The following MACF1 variants were observed in gnomAD, a reference collection of about 807,000 sequenced individuals.
MACF1 encodes the protein microtubule actin crosslinking factor 1, also known as microtubule-actin cross-linking factor 1.
Under a neutral mutation model 854.8 loss-of-function variants are expected in MACF1, and 193 were observed. The ratio of observed to expected loss-of-function variants is 0.23; its 90% CI spans 0.20 to 0.25. The LOEUF is 0.25. Ranked by LOEUF, MACF1 falls within the 10% of genes least tolerant of loss-of-function variation. The probability of loss-of-function intolerance (pLI) is 1.00; values close to 1 mark genes in which losing one functional copy is unlikely to be tolerated. For missense variants in MACF1, 7,722 were observed against 8,929.1 expected (o/e 0.86, Z 5.45); for synonymous variants, 3,185 against 3,226.7 (o/e 0.99, Z 0.44).
chr1:39,273,095 C>T (rs1026751518), intron 6 of MACF1, among the ~76,000 whole-genome samples: 1 of 151,402 alleles, frequency 6.6e-6, no homozygotes, highest in Admixed American at 6.6e-5. Flanking sequence ...ACCTTGTTAG[C>T]GAATCCCATT....
intron 50 of MACF1, 25 bp downstream of exon 50, chr1:39,368,339 G>A: frequency 6.3e-7 from 1 of 1,592,374 alleles, no homozygotes. Flanking sequence ...GTGTTGGTCA[G>A]CATTGGGGAA....
At chr1:39,317,513 G>C (rs1646435270) in intron 29 of MACF1, 106 bp downstream of exon 29, 1 of 1,250,532 alleles carries the variant, frequency 8.0e-7, no homozygotes, top group Non-Finnish European at 1.1e-6. Context: ...GAAATGGATA[G>C]GGAGGGGTGG....
chr1:39,372,270 TATC>T (rs1649320775), intron 51 of MACF1, among the ~76,000 whole-genome samples: 1 of 152,258 alleles, frequency 6.6e-6, no homozygotes, highest in South Asian at 2.1e-4. Flanking sequence ...TTAGAAATTG[TATC>T]ATAATTCTAT....
At chr1:39,090,817 C>G (rs1441712095) in intron 2 of MACF1, among the ~76,000 whole-genome samples, 6 of 152,144 alleles carry the variant, frequency 3.9e-5, no homozygotes, top group Non-Finnish European at 7.4e-5. Flanking sequence ...TGCACTTGTT[C>G]TTTATTTCAG....
intron 20 of MACF1, among the ~76,000 whole-genome samples, chr1:39,296,751 AAAGG>A (rs1305821871): frequency 2.0e-4 from 19 of 93,720 alleles, no homozygotes; most frequent in Admixed American, 2.3e-4. Context: ...AGAAAGAAAG[AAAGG>A]AAGGAAGGAA....
chr1:39,473,911 GA>G (rs1188167708), intron 97 of MACF1, among the ~76,000 whole-genome samples: 2 of 152,196 alleles, frequency 1.3e-5, no homozygotes, highest in African/African-American at 4.8e-5. Context: ...GAGAGAGCAA[GA>G]GGGGAAGAGA....
At position 39,437,835 on chromosome 1, in the gene MACF1, G is replaced by A. The variant is rs770849533; in HGVS notation, c.18047G>A (p.Arg6016His). 1.2e-5 allele frequency: 19 copies of A among 1,613,988 alleles called. No individual in the cohort carries two copies. The Admixed American group carries it at 1.8e-4, about 16-fold the overall frequency. The change falls in exon 71 of 101, where the codon CGT becomes CAT. Residue 6016 changes from arginine (R) to histidine (H), a missense_variant. Physicochemically the swap from Arg to His is conservative, Grantham distance 29. This residue lies in a region of MACF1 where 2,807 missense variants were observed against 3,235.8 expected (regional missense o/e 0.87). Coordinates refer to ENST00000564288, the MANE Select transcript of MACF1 (RefSeq NM_001394062.1). The stretch of plus-strand genomic sequence containing the variant: ...CTGGAGAATCTTTCCTCTCGCCTGC[G>A]TATGCCACCACTGATCCCTGCTGAA... ...ETLENLSSRLRMPPLIPAEVD... is the reference protein window; with the variant it reads ...ETLENLSSRLHMPPLIPAEVD...
chr1:39,422,183 C>T (rs1208398463), intron 58 of MACF1, among the ~76,000 whole-genome samples, 191 bp from the exon 59 acceptor site: 3 of 152,188 alleles, frequency 2.0e-5, no homozygotes, highest in African/African-American at 7.2e-5. Flanking sequence ...AATTACATGT[C>T]CATAGGAGAA....
chr1:39,152,634 A>G (rs575692949), intron 2 of MACF1, among the ~76,000 whole-genome samples: 2 of 152,312 alleles, frequency 1.3e-5, no homozygotes, highest in African/African-American at 4.8e-5. Flanking sequence ...GAATTCATAC[A>G]CTACCATTCT....
intron 2 of MACF1, among the ~76,000 whole-genome samples, chr1:39,244,506 C>A (rs1368153093): frequency 6.6e-6 from 1 of 151,958 alleles, no homozygotes; most frequent in African/African-American, 2.4e-5. Flanking sequence ...TGATCTCGAA[C>A]TCCTGACCTC....
intron 2 of MACF1, among the ~76,000 whole-genome samples, chr1:39,091,523 G>A (rs1641802165): frequency 6.6e-6 from 1 of 152,002 alleles, no homozygotes; most frequent in Non-Finnish European, 1.5e-5. Context: ...TTGAGACAGA[G>A]TCTCGCTCTG....
At chr1:39,369,099 A>G (rs768557647) in intron 50 of MACF1, among the ~76,000 whole-genome samples, 21 of 151,398 alleles carry the variant, frequency 1.4e-4, no homozygotes, top group Non-Finnish European at 2.7e-4. Context: ...TGGCCTCCCA[A>G]AGTGCTGGGA....
chr1:39,285,677 A>C lies in MACF1; in HGVS notation c.1427A>C (p.Glu476Ala). 1 of 1,614,040 alleles carries C rather than the reference A, an allele frequency of 6.2e-7. No individual in the cohort carries two copies. Among genetic ancestry groups the C allele is most frequent in the Non-Finnish European group, 8.5e-7 (1 of 1,179,970 alleles). ...GTCATTATGTACATTCAGGAGTGTGAAGGTCTCATCAGGCAGCTGCAGGTG... is the reference window on the plus strand; with the variant it reads ...GTCATTATGTACATTCAGGAGTGTGCAGGTCTCATCAGGCAGCTGCAGGTG... ...SDVIMYIQECEGLIRQLQVDL... is the reference protein window; with the variant it reads ...SDVIMYIQECAGLIRQLQVDL... Residue 476 changes from glutamate (E) to alanine (A), a missense_variant, in exon 14 of 101, where the codon GAA becomes GCA. Physicochemically the swap from Glu to Ala is moderately radical, Grantham distance 107. Transcript: ENST00000564288.
In MACF1 at chr1:39,442,547, G is replaced by C. The variant is rs776149127; in HGVS notation, c.19084G>C (p.Val6362Leu). Residue 6362 changes from valine (V) to leucine (L), a missense_variant, in exon 77 of 101, where the codon GTT becomes CTT. Val to Leu is a conservative substitution (Grantham distance 32, BLOSUM62 1). Transcript: ENST00000564288. ...PISGDPKVIE[V>L]ELAKHHVLKN... ...AAGTGGAGACCCAAAAGTCATTGAA[G>C]TTGAGCTCGCAAAGCACCATGTAAG... 6.2e-7 allele frequency: 1 copy of C among 1,614,166 alleles called. No individual in the cohort carries two copies. Among genetic ancestry groups the C allele is most frequent in the South Asian group, 1.1e-5 (1 of 91,074 alleles).
intron 2 of MACF1, among the ~76,000 whole-genome samples, chr1:39,246,228 G>A (rs150000807): frequency 6.6e-6 from 1 of 152,280 alleles, no homozygotes; most frequent in African/African-American, 2.4e-5. Context: ...TCCTAATCCA[G>A]AAAGCCCATT....
At chr1:39,408,053 T>C (rs964237369) in intron 58 of MACF1, among the ~76,000 whole-genome samples, 5 of 152,194 alleles carry the variant, frequency 3.3e-5, no homozygotes, top group African/African-American at 9.6e-5. Flanking sequence ...GAGCGACTTT[T>C]CTCTAGTGTT....
intron 2 of MACF1, among the ~76,000 whole-genome samples, chr1:39,093,886 C>T (rs1169434235): frequency 7.2e-5 from 11 of 152,248 alleles, no homozygotes; most frequent in South Asian, 4.1e-4. Flanking sequence ...CTCCCGGGTT[C>T]TCCTGTCTCA....
At chr1:39,352,037 CA>C (rs768329007) in intron 43 of MACF1, among the ~76,000 whole-genome samples, 2 of 152,148 alleles carry the variant, frequency 1.3e-5, no homozygotes, top group African/African-American at 4.8e-5. Flanking sequence ...AAAGAGAAGC[CA>C]AAGTCTCAAA....
chr1:39,238,936 A>G (rs997526808), intron 2 of MACF1, among the ~76,000 whole-genome samples: 1 of 152,188 alleles, frequency 6.6e-6, no homozygotes, highest in African/African-American at 2.4e-5. Context: ...TTGCTCCCCA[A>G]GTACACCCCA....
Sources: gnomAD v4.1 joint callset for allele counts (sites outside exome capture counted in the v4.1 genomes callset) on GRCh38, gnomAD v4.1.1 for gene constraint, gnomAD v4.1.1 regional missense constraint, MANE v1.5 for transcripts, NCBI Gene and HGNC (gene_info 2026-07-23, HGNC 2026-07-21) for gene names.